The following SMC6 variants were observed in gnomAD, a reference collection of about 807,000 sequenced individuals.
SMC6 encodes structural maintenance of chromosomes protein 6.
Under a neutral mutation model 142.2 loss-of-function variants are expected in SMC6, and 79 were observed. That is an observed-to-expected ratio of 0.56 (90% CI 0.46 to 0.67). SMC6 has a LOEUF of 0.67. SMC6 is among the 30% of genes least tolerant of loss of function. The pLI, the probability that SMC6 is intolerant of heterozygous loss-of-function variation, is 0.00. For missense variants in SMC6, 1,072 were observed against 1,284.0 expected (o/e 0.83, Z 2.52); for synonymous variants, 411 against 412.4 (o/e 1.00, Z 0.04).
chr2:17,671,579 A>G (rs1327561191), intron 25 of SMC6, among the ~76,000 whole-genome samples: 1 of 132,348 alleles, frequency 7.6e-6, no homozygotes, highest in African/African-American at 2.9e-5. Flanking sequence ...ATTGCACTCC[A>G]GCCTGGTCGA....
intron 19 of SMC6, 131 bp from the exon 20 acceptor site, chr2:17,702,040 C>T: frequency 1.7e-6 from 1 of 572,076 alleles, no homozygotes; most frequent in South Asian, 2.4e-5. Context: ...GAAAGGGGTA[C>T]ATTAGTATTA....
chr2:17,693,903 G>A (rs1441917319), intron 23 of SMC6, among the ~76,000 whole-genome samples: 2 of 148,384 alleles, frequency 1.3e-5, no homozygotes, highest in Middle Eastern at 3.3e-3. Flanking sequence ...AGGAGGCTGA[G>A]ACAGGAGAAT....
At chr2:17,750,775 C>T (rs146430120) in intron 2 of SMC6, among the ~76,000 whole-genome samples, 6 of 151,878 alleles carry the variant, frequency 4.0e-5, no homozygotes, top group East Asian at 1.9e-4. Flanking sequence ...CCAAGGCAGG[C>T]GGATCACCTG....
chr2:17,692,945 G>A (rs902454687), intron 23 of SMC6, among the ~76,000 whole-genome samples: 60 of 152,152 alleles, frequency 3.9e-4, no homozygotes, highest in Non-Finnish European at 6.3e-4. Context: ...GCCAAAAGAC[G>A]CATGAAAAAA....
At chr2:17,706,725 CAATTT>C (rs1668528981) in intron 18 of SMC6, among the ~76,000 whole-genome samples, 1 of 152,090 alleles carries the variant, frequency 6.6e-6, no homozygotes, top group Non-Finnish European at 1.5e-5. Flanking sequence ...TTTAACTTCT[CAATTT>C]GTCTATTCTA....
Position 17,703,211 on chromosome 2 carries a change from A to G in SMC6, c.2088T>C (p.Ile696=), listed in dbSNP as rs1668352806. 1 of 1,584,224 alleles carries G rather than the reference A, an allele frequency of 6.3e-7. No individual in the cohort carries two copies. The highest frequency in any genetic ancestry group is 8.7e-7 in the Non-Finnish European group (1 of 1,156,054). Residue 696 remains isoleucine (I), a synonymous_variant, in exon 19 of 28, where the codon ATT becomes ATC. Transcript: ENST00000448223. ...TTTTAAGAAGTTCCTCATTGTGTTT[A>G]ATATCTTTTTCAAGGGCAGATAAAT... ...QQHLSALEKD[I]KHNEELLKRC... is the part of the protein sequence containing the mutation.
At chr2:17,738,191 GA>G in intron 5 of SMC6, 29 bp downstream of exon 5, 1 of 1,507,674 alleles carries the variant, frequency 6.6e-7, no homozygotes. Context: ...CTAAAGAATT[GA>G]AAATAGATGG....
chr2:17,705,029 G>A (rs1668435650), intron 18 of SMC6, among the ~76,000 whole-genome samples: 1 of 152,046 alleles, frequency 6.6e-6, no homozygotes, highest in Non-Finnish European at 1.5e-5. Context: ...GGCTGAGGTG[G>A]GCAGATCACT....
In SMC6 at chr2:17,721,237, A is replaced by C; in HGVS notation, c.751T>G (p.Cys251Gly). 6.2e-7 allele frequency: 1 copy of C among 1,604,794 alleles called. No individual in the cohort carries two copies. The highest frequency in any genetic ancestry group is 8.5e-7 in the Non-Finnish European group (1 of 1,177,508). Reference protein sequence around the residue: ...EERLTELKRQCVEKEERFQSI... With the variant: ...EERLTELKRQGVEKEERFQSI... The stretch of plus-strand genomic sequence containing the variant: ...TGAAAACGTTCCTCTTTCTCTACAC[A>C]CTGGCGCTTTAGTTCAGTAAGCCGC... The change falls in exon 10 of 28, where the codon TGT (cysteine) becomes GGT (glycine). Residue 251 changes from cysteine (C) to glycine (G), a missense_variant. By Grantham distance (159) the Cys-to-Gly change is radical. Coordinates refer to ENST00000448223, the MANE Select transcript of SMC6 (RefSeq NM_001142286.2).
intron 23 of SMC6, 45 bp from the exon 24 acceptor site, chr2:17,683,808 A>G: frequency 6.4e-7 from 1 of 1,559,544 alleles, no homozygotes; most frequent in Non-Finnish European, 8.8e-7. Context: ...ACCACACGTA[A>G]AAAACATAAC....
At position 17,721,277 on chromosome 2, in the gene SMC6, C is replaced by T. The variant is rs769358063; in HGVS notation, c.727-16G>A. Reference sequence around the variant, plus strand: ...CAGTAAGCCGCTTAAAAAAAGAAAACAGAACGGACGTATTTTTTATTAATG... The same window carrying T: ...CAGTAAGCCGCTTAAAAAAAGAAAATAGAACGGACGTATTTTTTATTAATG... On this transcript the variant is annotated splice_polypyrimidine_tract_variant and intron_variant, in intron 9 of 27. Coordinates refer to ENST00000448223, the MANE Select transcript of SMC6 (RefSeq NM_001142286.2). The T allele has an allele frequency of 6.4e-7, 1 of 1,557,754 alleles. No homozygotes were observed. Among genetic ancestry groups the T allele is most frequent in the Non-Finnish European group, 8.6e-7 (1 of 1,160,760 alleles).
At chr2:17,685,792 TAAATAA>T (rs1200196390) in intron 23 of SMC6, among the ~76,000 whole-genome samples, 1 of 151,940 alleles carries the variant, frequency 6.6e-6, no homozygotes, top group Non-Finnish European at 1.5e-5. Context: ...CAAATTGAAC[TAAATAA>T]AAATAATCTT....
rs950692983 is a variant in SMC6 at position 17,725,371 on chromosome 2, A to C, written c.625-13T>G. ...CTTTCATGAAGAACTATTATCAATAACAAAAAAAAACGCAATTAGGAGTTT... is the reference window on the plus strand; with the variant it reads ...CTTTCATGAAGAACTATTATCAATACCAAAAAAAAACGCAATTAGGAGTTT... On this transcript the variant is annotated splice_polypyrimidine_tract_variant and intron_variant, in intron 8 of 27. Transcript: ENST00000448223. 6.5e-7 allele frequency: 1 copy of C among 1,549,630 alleles called. No homozygotes were observed. Among genetic ancestry groups the C allele is most frequent in the African/African-American group, 1.4e-5 (1 of 72,284 alleles).
Position 17,717,234 on chromosome 2 carries a change from G to T in SMC6, c.1093-58C>A, listed in dbSNP as rs113793017. 8.1e-6 allele frequency: 10 copies of T among 1,238,166 alleles called. No individual in the cohort carries two copies. In the African/African-American group the frequency reaches 1.2e-4, roughly 15 times the overall value. 76.7% of individuals were successfully genotyped at this position (1,238,166 alleles called of 1,614,324 possible). On this transcript the variant is annotated intron_variant, in intron 12 of 27. Transcript: ENST00000448223. The stretch of plus-strand genomic sequence containing the variant: ...ATGAAAACACAAATATCCCATTCAC[G>T]TCCACTTTTGTCAAATCTTCAGAGG...
chr2:17,712,857 T>C, intron 16 of SMC6, among the ~76,000 whole-genome samples: 1 of 152,218 alleles, frequency 6.6e-6, no homozygotes, highest in East Asian at 1.9e-4. Context: ...CTTGTCAATA[T>C]CCTGTCAACA....
At chr2:17,737,939 T>C (rs1670237823) in intron 5 of SMC6, among the ~76,000 whole-genome samples, 1 of 152,112 alleles carries the variant, frequency 6.6e-6, no homozygotes, top group South Asian at 2.1e-4. Flanking sequence ...TTAAACAGGG[T>C]ACATAGATTT....
At chr2:17,678,815 C>G (rs1328102580) in intron 25 of SMC6, 44 bp downstream of exon 25, 3 of 1,360,118 alleles carry the variant, frequency 2.2e-6, no homozygotes, top group Non-Finnish European at 3.1e-6. Flanking sequence ...AAAGAAACAA[C>G]TAGTTTTTCT....
Position 17,665,246 on chromosome 2 carries a change from C to T in SMC6, c.*253G>A, listed in dbSNP as rs567455360. Reference sequence around the variant, plus strand: ...TGAAAAAGAACCTATAAAAATAGATCGTATTAAAAAAACTTAAAAAGATTT... The same window carrying T: ...TGAAAAAGAACCTATAAAAATAGATTGTATTAAAAAAACTTAAAAAGATTT... On this transcript the variant is annotated 3_prime_UTR_variant, in exon 28 of 28. Coordinates refer to ENST00000448223, the MANE Select transcript of SMC6 (RefSeq NM_001142286.2). 3.6e-4 allele frequency: 93 copies of T among 257,008 alleles called. No individual in the cohort carries two copies. Among genetic ancestry groups the T allele is most frequent in the African/African-American group, 1.6e-3 (72 of 44,980 alleles). 15.9% of individuals were successfully genotyped at this position (257,008 alleles called of 1,614,324 possible).
At position 17,670,341 on chromosome 2, in the gene SMC6, TA is replaced by T; in HGVS notation, c.3063+81del. 2.1e-6 allele frequency: 3 copies of T among 1,429,422 alleles called. No individual in the cohort carries two copies. The South Asian group carries it at 4.0e-5, about 19-fold the overall frequency. The allele number at this position is 1,429,422 out of a possible 1,614,324, so 88.5% of individuals were successfully genotyped here. A position where few individuals can be genotyped will look rare whatever the true frequency, so the allele number is the denominator to read the frequency against. On this transcript the variant is annotated intron_variant, in intron 26 of 27. Coordinates refer to ENST00000448223, the MANE Select transcript of SMC6 (RefSeq NM_001142286.2). ...GGATCTTTCCTGTTAGGGGTAAAACTAAAGAAAGATTTCCTTCCTTTAGAAA... is the reference window on the plus strand; with the variant it reads ...GGATCTTTCCTGTTAGGGGTAAAACTAAGAAAGATTTCCTTCCTTTAGAAA...
Sources: gnomAD v4.1 joint callset for allele counts (sites outside exome capture counted in the v4.1 genomes callset) on GRCh38, gnomAD v4.1.1 for gene constraint, MANE v1.5 for transcripts, NCBI Gene and HGNC (gene_info 2026-07-23, HGNC 2026-07-21) for gene names.